CBY1: variants seen among roughly 807,000 people sequenced by gnomAD.
The protein encoded by CBY1 is protein chibby homolog 1.
In CBY1, 10 loss-of-function variants were observed where a neutral mutation model predicts 15.6. That is an observed-to-expected ratio of 0.64 (90% CI 0.40 to 1.09). CBY1 has a LOEUF of 1.09. Among genes scored for constraint, CBY1 ranks in the 50% least tolerant of loss-of-function variants. The pLI is 0.01. For synonymous variants in CBY1, 61 were observed against 63.5 expected, an observed-to-expected ratio of 0.96 and a Z score of 0.19; for missense variants, 150 against 160.5, an observed-to-expected ratio of 0.93 and a Z score of 0.35.
intron 2 of CBY1, among the ~76,000 whole-genome samples, chr22:38,669,062 G>A (rs1408826252): frequency 1.3e-5 from 2 of 152,170 alleles, no homozygotes; most frequent in Non-Finnish European, 2.9e-5. Context: ...CTTACATGAC[G>A]TCTGTCTCTG....
intron 1 of CBY1, among the ~76,000 whole-genome samples, chr22:38,667,130 C>G (rs1025871464): frequency 6.6e-6 from 1 of 151,922 alleles, no homozygotes; most frequent in Non-Finnish European, 1.5e-5. Context: ...CCCACCTAAG[C>G]CTACTGAATA....
intron 1 of CBY1, chr22:38,665,460 G>C (rs771558945): frequency 2.6e-6 from 1 of 382,776 alleles, no homozygotes; most frequent in Non-Finnish European, 4.6e-6. Flanking sequence ...ACGAGACCCT[G>C]TCTCAAGAAA....
intron 1 of CBY1, among the ~76,000 whole-genome samples, chr22:38,660,623 T>C (rs1002197610): frequency 6.7e-6 from 1 of 149,724 alleles, no homozygotes; most frequent in Non-Finnish European, 1.5e-5. Flanking sequence ...TACAGGTACA[T>C]ACACACACAC....
chr22:38,660,985 G>T (rs1188377112), intron 1 of CBY1, among the ~76,000 whole-genome samples: 1 of 151,914 alleles, frequency 6.6e-6, no homozygotes, highest in Non-Finnish European at 1.5e-5. Context: ...ACAGTGCCAG[G>T]GCCTTACAAT....
intron 1 of CBY1, chr22:38,665,424 A>G (rs1055691232): frequency 2.4e-5 from 9 of 373,360 alleles, no homozygotes; most frequent in Non-Finnish European, 3.8e-5. Context: ...AGATGGTACC[A>G]CTGCACTCCA....
At chr22:38,670,723 C>T in intron 2 of CBY1, 161 bp from the exon 3 acceptor site, 1 of 602,022 alleles carries the variant, frequency 1.7e-6, no homozygotes, top group South Asian at 2.0e-5. Context: ...TTAAACTTTT[C>T]CTGTACATCA....
chr22:38,669,527 A>G (rs1310604905), intron 2 of CBY1, among the ~76,000 whole-genome samples: 1 of 152,198 alleles, frequency 6.6e-6, no homozygotes, highest in African/African-American at 2.4e-5. Context: ...ACGGAAGGCT[A>G]CAGAAAATAA....
intron 1 of CBY1, among the ~76,000 whole-genome samples, chr22:38,663,622 G>T (rs545388039): frequency 6.6e-6 from 1 of 151,574 alleles, no homozygotes; most frequent in South Asian, 2.1e-4. Flanking sequence ...CTTGAACCCG[G>T]GAGGTGGAGG....
At chr22:38,669,708 A>G (rs1205243018) in intron 2 of CBY1, 3 of 152,204 alleles carry the variant, frequency 2.0e-5, no homozygotes, top group Non-Finnish European at 4.4e-5. Flanking sequence ...CCCTGTGTTG[A>G]GCCGCTATTG....
intron 2 of CBY1, 181 bp downstream of exon 2, chr22:38,668,313 T>C: frequency 1.8e-6 from 1 of 549,422 alleles, no homozygotes; most frequent in South Asian, 2.4e-5. Context: ...TCAGAGCTTG[T>C]TTATCCAAGA....
intron 1 of CBY1, among the ~76,000 whole-genome samples, chr22:38,665,895 C>T: frequency 6.6e-6 from 1 of 151,422 alleles, no homozygotes; most frequent in East Asian, 1.9e-4. Context: ...ATTAGCTGGG[C>T]ATGGTGGCAC....
chr22:38,661,948 T>C (rs1166439468), intron 1 of CBY1, among the ~76,000 whole-genome samples: 1 of 152,132 alleles, frequency 6.6e-6, no homozygotes, highest in Non-Finnish European at 1.5e-5. Flanking sequence ...TGTTGTTCTC[T>C]TCAGTCTATG....
intron 2 of CBY1, 87 bp downstream of exon 2, chr22:38,668,219 G>T (rs1327623986): frequency 2.4e-6 from 2 of 825,408 alleles, no homozygotes; most frequent in Admixed American, 3.4e-5. Context: ...GTCCTCCAGA[G>T]GCATCAGTGC....
At chr22:38,671,017 A>T (rs1178303709) in intron 3 of CBY1, 28 bp downstream of exon 3, 4 of 1,612,692 alleles carry the variant, frequency 2.5e-6, no homozygotes, top group Non-Finnish European at 3.4e-6. Context: ...CCATTTTGTC[A>T]AACAAGATTG....
chr22:38,662,964 A>G (rs1044915514), intron 1 of CBY1, among the ~76,000 whole-genome samples: 9 of 152,046 alleles, frequency 5.9e-5, no homozygotes, highest in Non-Finnish European at 1.3e-4. Context: ...TGCTAAAAGT[A>G]CAAACATTAG....
intron 1 of CBY1, among the ~76,000 whole-genome samples, chr22:38,663,977 G>A (rs1308833021): frequency 6.6e-6 from 1 of 150,818 alleles, no homozygotes; most frequent in African/African-American, 2.4e-5. Context: ...AGCCAAGATA[G>A]CACCACTGCA....
intron 1 of CBY1, chr22:38,656,999 T>A (rs1489079705): frequency 4.8e-6 from 1 of 208,902 alleles, no homozygotes; most frequent in Non-Finnish European, 8.3e-6. Flanking sequence ...TGTGAACGTT[T>A]GTTGACAGCT....
At chr22:38,672,973 A>G (rs951373237) in intron 4 of CBY1, among the ~76,000 whole-genome samples, 186 bp from the exon 5 acceptor site, 1 of 152,124 alleles carries the variant, frequency 6.6e-6, no homozygotes, top group Non-Finnish European at 1.5e-5. Flanking sequence ...ATATTCTTCA[A>G]GTACTTGTGG....
chr22:38,671,175 T>A lies in CBY1; in HGVS notation c.290T>A (p.Ile97Asn). The A allele has an allele frequency of 6.2e-7, 1 of 1,612,500 alleles. No individual in the cohort carries two copies. Among genetic ancestry groups the A allele is most frequent in the Non-Finnish European group, 8.5e-7 (1 of 1,178,590 alleles). ...ENNLLRLKVDILLDMLSESTA... is the reference protein window; with the variant it reads ...ENNLLRLKVDNLLDMLSESTA... ...AATCTCTTGCGGCTGAAAGTGGACA[T>A]CTTATTAGACATGGTGAGGCAGGTG... The change falls in exon 4 of 5, where the codon ATC (isoleucine) becomes AAC (asparagine). Residue 97 changes from isoleucine (I) to asparagine (N), a missense_variant. Physicochemically the swap from Ile to Asn is moderately radical, Grantham distance 149. Coordinates refer to ENST00000216029, the MANE Select transcript of CBY1 (RefSeq NM_015373.4).
Sources: gnomAD v4.1 joint callset for allele counts (sites outside exome capture counted in the v4.1 genomes callset) on GRCh38, gnomAD v4.1.1 for gene constraint, MANE v1.5 for transcripts, NCBI Gene and HGNC (gene_info 2026-07-23, HGNC 2026-07-21) for gene names.